The following GPC3 variants were observed in gnomAD, a reference collection of about 807,000 sequenced individuals.
The protein encoded by GPC3 is glypican-3.
GPC3 carries 3 observed loss-of-function variants against 34.4 expected under a neutral mutation model. The observed-to-expected ratio is 0.09, with a 90% CI of 0.04 to 0.23. GPC3 has a LOEUF of 0.23. Ranked by LOEUF, GPC3 falls within the 10% of genes least tolerant of loss-of-function variation. The pLI is 1.00. For missense variants in GPC3, 351 were observed against 445.6 expected, an observed-to-expected ratio of 0.79 and a Z score of 1.91; for synonymous variants, 177 against 174.0, an observed-to-expected ratio of 1.02 and a Z score of -0.13.
chrX:133,926,739 A>C (rs759669698), intron 2 of GPC3, among the ~76,000 whole-genome samples: 8 of 111,868 alleles, frequency 7.2e-5, no homozygotes, highest in African/African-American at 2.3e-4. Flanking sequence ...AGTAACAGAA[A>C]AATTAAAGTG....
intron 1 of GPC3, among the ~76,000 whole-genome samples, chrX:133,984,364 G>A (rs1432246157): frequency 8.8e-6 from 1 of 113,211 alleles, no homozygotes; most frequent in Non-Finnish European, 1.9e-5. Context: ...TAAGGCGGGC[G>A]TTAGGAGCCC....
Position 133,802,262 on chromosome X carries a change from G to A in GPC3, c.338-48086C>T, listed in dbSNP as rs373515842. Among the ~76,000 whole-genome samples the A allele has an allele frequency of 5.4e-5, 6 of 111,278 alleles. No homozygotes were observed. The East Asian group carries it at 1.4e-3, about 26-fold the overall frequency. On this transcript the variant is annotated intron_variant, in intron 2 of 7. Transcript: ENST00000370818. ...CCCTCTATCATGAGAGAAAAGTCAA[G>A]GCACTGTAGTTTGTATGCACATTCA...
At chrX:133,765,203 C>T (rs754367968) in intron 2 of GPC3, among the ~76,000 whole-genome samples, 165 of 111,745 alleles carry the variant, frequency 1.5e-3, no homozygotes, top group South Asian at 7.8e-3. Flanking sequence ...AACAGCCATG[C>T]GAAGACTGGA....
At chrX:133,967,240 GCTCAGTAATAACTTTTTTA>G (rs1363154267) in intron 1 of GPC3, among the ~76,000 whole-genome samples, 1 of 112,475 alleles carries the variant, frequency 8.9e-6, no homozygotes, top group Non-Finnish European at 1.9e-5. Flanking sequence ...TTTCAATGAT[GCTCAGTAATAACTTTTTTA>G]CTCCTTGCTT....
intron 1 of GPC3, among the ~76,000 whole-genome samples, chrX:133,980,003 G>T (rs2076531888): frequency 1.8e-5 from 2 of 111,775 alleles, no homozygotes; most frequent in Non-Finnish European, 3.8e-5. Flanking sequence ...ACTTCAACAG[G>T]TCCATGCATG....
chrX:133,771,680 C>G (rs192267709), intron 2 of GPC3, among the ~76,000 whole-genome samples: 4 of 112,563 alleles, frequency 3.6e-5, no homozygotes, highest in East Asian at 5.6e-4. Context: ...AAGTTTGTCA[C>G]TTTCCCAAAT....
intron 2 of GPC3, among the ~76,000 whole-genome samples, chrX:133,776,270 C>A (rs965813118): frequency 9.0e-6 from 1 of 111,557 alleles, no homozygotes; most frequent in Non-Finnish European, 1.9e-5. Context: ...GGGTATCAAT[C>A]AAATGACTGG....
At chrX:133,582,081 A>C (rs762059277) in intron 7 of GPC3, among the ~76,000 whole-genome samples, 1 of 111,658 alleles carries the variant, frequency 9.0e-6, no homozygotes, top group Non-Finnish European at 1.9e-5. Context: ...TAAGCTACCA[A>C]TGTGACCACA....
chrX:133,601,674 T>C (rs1465997334), intron 6 of GPC3, among the ~76,000 whole-genome samples: 1 of 112,130 alleles, frequency 8.9e-6, no homozygotes, highest in Non-Finnish European at 1.9e-5. Flanking sequence ...TTTCCATATT[T>C]TGGATTATTT....
intron 6 of GPC3, among the ~76,000 whole-genome samples, chrX:133,657,558 A>T (rs2070675008): frequency 1.8e-5 from 2 of 111,538 alleles, no homozygotes; most frequent in African/African-American, 6.5e-5. Context: ...AAAAGGAAAT[A>T]AAAAGGTCCT....
chrX:133,950,747 C>T (rs1389452354), intron 2 of GPC3, among the ~76,000 whole-genome samples: 1 of 111,375 alleles, frequency 9.0e-6, no homozygotes, highest in Non-Finnish European at 1.9e-5. Context: ...TGTAGTGGTC[C>T]CCAGTTTGAA....
Position 133,722,206 on chromosome X carries a change from T to A in GPC3, c.1033-22178A>T, listed in dbSNP as rs749152299. ...TTCATTTTTCAAAGTTTGTTACTAT[T>A]CACCTGTCTGTTCCTATTTATCATA... On this transcript the variant is annotated intron_variant, in intron 3 of 7. Coordinates refer to ENST00000370818, the MANE Select transcript of GPC3 (RefSeq NM_004484.4). Among the ~76,000 whole-genome samples, 7 of 111,923 alleles carry A rather than the reference T, an allele frequency of 6.3e-5. No individual in the cohort carries two copies. In the South Asian group the frequency reaches 2.7e-3, roughly 42 times the overall value.
chrX:133,964,783 T>C (rs2076455894), intron 1 of GPC3, among the ~76,000 whole-genome samples: 1 of 112,010 alleles, frequency 8.9e-6, no homozygotes, highest in Admixed American at 9.5e-5. Context: ...CCTCTTTTTC[T>C]GATCTTGTTC....
intron 2 of GPC3, among the ~76,000 whole-genome samples, chrX:133,804,385 T>C (rs1249543455): frequency 9.0e-6 from 1 of 110,555 alleles, no homozygotes; most frequent in Non-Finnish European, 1.9e-5. Context: ...TCTGTATCTT[T>C]AACCGTTTCA....
At chrX:133,731,583 T>C (rs1461582025) in intron 3 of GPC3, among the ~76,000 whole-genome samples, 2 of 110,522 alleles carry the variant, frequency 1.8e-5, no homozygotes, top group Non-Finnish European at 3.8e-5. Flanking sequence ...GTCTACTACA[T>C]TTTTTCTTTG....
At chrX:133,581,816 T>C (rs1208108840) in intron 7 of GPC3, among the ~76,000 whole-genome samples, 2 of 112,615 alleles carry the variant, frequency 1.8e-5, no homozygotes, top group Non-Finnish European at 3.7e-5. Context: ...CCATCAGTGA[T>C]AGGAGCAACT....
intron 2 of GPC3, among the ~76,000 whole-genome samples, chrX:133,857,923 G>C (rs930933912): frequency 9.8e-5 from 11 of 111,983 alleles, no homozygotes; most frequent in African/African-American, 3.6e-4. Context: ...GGATAAAAGG[G>C]GGAAGGAGGA....
At chrX:133,976,890 C>T (rs1325487871) in intron 1 of GPC3, among the ~76,000 whole-genome samples, 2 of 108,120 alleles carry the variant, frequency 1.8e-5, no homozygotes, top group African/African-American at 6.8e-5. Flanking sequence ...CACACTCCAG[C>T]TCAGGCAACA....
chrX:133,968,637 C>T (rs1468509983), intron 1 of GPC3, among the ~76,000 whole-genome samples: 2 of 110,946 alleles, frequency 1.8e-5, no homozygotes, highest in African/African-American at 6.6e-5. Flanking sequence ...TTATTAGCAC[C>T]GCCCCCATCA....
Sources: allele counts gnomAD v4.1 joint callset (sites outside exome capture counted in the v4.1 genomes callset), GRCh38; gene constraint gnomAD v4.1.1; transcripts MANE v1.5; gene names NCBI Gene and HGNC (gene_info 2026-07-23, HGNC 2026-07-21).